Variants in NR1D2 observed in about 807,000 individuals in gnomAD.
NR1D2 encodes the protein nuclear receptor subfamily 1 group D member 2.
Under a neutral mutation model 52.2 loss-of-function variants are expected in NR1D2, and 25 were observed. The ratio of observed to expected loss-of-function variants is 0.48; its 90% CI spans 0.35 to 0.67. The LOEUF is 0.67. NR1D2 is among the 30% of genes least tolerant of loss of function. NR1D2 has a pLI of 0.01. For synonymous variants in NR1D2, 259 were observed against 230.1 expected (o/e 1.13, Z -1.14); for missense variants, 681 against 707.2 (o/e 0.96, Z 0.42).
chr3:23,971,328 C>CA (rs1445144602), intron 7 of NR1D2, among the ~76,000 whole-genome samples: 3 of 103,872 alleles, frequency 2.9e-5, no homozygotes, highest in Non-Finnish European at 5.4e-5. Flanking sequence ...TTTTTTGAGA[C>CA]AGAGTCTTAC....
In NR1D2 at chr3:23,970,774, GT is replaced by G. The variant is rs553323490; in HGVS notation, c.1543+2754del. 3.7e-4 allele frequency among the ~76,000 whole-genome samples: 53 copies of G among 143,306 alleles called. 1 individual carries two copies. The South Asian group carries it at 0.012, about 32-fold the overall frequency. 94.0% of individuals were successfully genotyped at this position (143,306 alleles called of 152,430 possible). A position where few individuals can be genotyped will look rare whatever the true frequency, so the allele number is the denominator to read the frequency against. On this transcript the variant is annotated intron_variant, in intron 7 of 7. Transcript: ENST00000312521. Reference sequence around the variant, plus strand: ...CTAGCTGTTTTTTGTTGTTGTTGTTGTTTGTTTTTTTATTTTTATTTTTGGA... The same window carrying G: ...CTAGCTGTTTTTTGTTGTTGTTGTTGTTGTTTTTTTATTTTTATTTTTGGA...
intron 5 of NR1D2, among the ~76,000 whole-genome samples, chr3:23,964,201 C>A (rs538601158): frequency 6.6e-6 from 1 of 152,046 alleles, no homozygotes; most frequent in Non-Finnish European, 1.5e-5. Flanking sequence ...CCTCAGCCTC[C>A]TGAGTAGCTG....
intron 1 of NR1D2, among the ~76,000 whole-genome samples, chr3:23,947,641 A>G (rs1257351108): frequency 6.6e-6 from 1 of 152,232 alleles, no homozygotes; most frequent in East Asian, 1.9e-4. Flanking sequence ...CACGTGAACT[A>G]TTATGAAGTT....
chr3:23,959,540 G>T, intron 3 of NR1D2, 131 bp from the exon 4 acceptor site: 1 of 768,066 alleles, frequency 1.3e-6, no homozygotes, highest in South Asian at 1.9e-5. Flanking sequence ...AAGACATAGT[G>T]TTTCCCAGAT....
chr3:23,960,391 T>C (rs996450810), intron 4 of NR1D2, among the ~76,000 whole-genome samples: 2 of 152,130 alleles, frequency 1.3e-5, no homozygotes, highest in Non-Finnish European at 2.9e-5. Flanking sequence ...GGTGACACGG[T>C]GACACTCTGT....
rs1384582296 is a variant in NR1D2 at position 23,978,157 on chromosome 3, CAT to C, written c.*741_*742del. 1 of 152,106 alleles carries C rather than the reference CAT, an allele frequency of 6.6e-6. No individual in the cohort carries two copies. The highest frequency in any genetic ancestry group is 6.6e-5 in the Admixed American group (1 of 15,266). 9.4% of individuals were successfully genotyped at this position (152,106 alleles called of 1,614,324 possible). On this transcript the variant is annotated 3_prime_UTR_variant, in exon 8 of 8. Coordinates refer to ENST00000312521, the MANE Select transcript of NR1D2 (RefSeq NM_005126.5). ...CAACCATATTATTCAGGGTTCCTGC[CAT>C]ATGTGTGGGGTATCCTACTGATACA...
intron 6 of NR1D2, among the ~76,000 whole-genome samples, chr3:23,967,172 A>G (rs1156585255): frequency 6.6e-6 from 1 of 152,030 alleles, no homozygotes; most frequent in Non-Finnish European, 1.5e-5. Flanking sequence ...CTAAAAATAA[A>G]ATCAGCTGGG....
At chr3:23,955,288 T>G (rs1044756622) in intron 2 of NR1D2, among the ~76,000 whole-genome samples, 1 of 152,218 alleles carries the variant, frequency 6.6e-6, no homozygotes, top group Non-Finnish European at 1.5e-5. Context: ...TGGAGAGATA[T>G]CCCTTTCCAC....
At chr3:23,973,832 T>C (rs1398635773) in intron 7 of NR1D2, among the ~76,000 whole-genome samples, 3 of 152,002 alleles carry the variant, frequency 2.0e-5, no homozygotes, top group African/African-American at 7.2e-5. Context: ...TTTTTTCTAT[T>C]TATAATTTAT....
intron 1 of NR1D2, among the ~76,000 whole-genome samples, chr3:23,950,751 A>G (rs765866302): frequency 4.6e-5 from 7 of 152,132 alleles, no homozygotes; most frequent in African/African-American, 1.4e-4. Flanking sequence ...ATAGCCCAGT[A>G]GTTTCTTTTA....
At chr3:23,966,748 G>GAC (rs1706459353) in intron 6 of NR1D2, among the ~76,000 whole-genome samples, 1 of 152,184 alleles carries the variant, frequency 6.6e-6, no homozygotes, top group African/African-American at 2.4e-5. Flanking sequence ...GTGGTTTTGG[G>GAC]ACCGGGTGCA....
Position 23,977,309 on chromosome 3 carries a change from C to A in NR1D2, c.1630C>A (p.His544Asn), listed in dbSNP as rs750610973. 6 of 1,613,080 alleles carry A rather than the reference C, an allele frequency of 3.7e-6. No homozygotes were observed. Among genetic ancestry groups the A allele is most frequent in the Non-Finnish European group, 5.1e-6 (6 of 1,179,406 alleles). The part of the protein sequence containing the change: ...RALRTLIMKN[H>N]PNEASIFTKL... ...ACTAAGGACCTTAATAATGAAAAAC[C>A]ATCCAAATGAGGCCTCTATTTTTAC... The change falls in exon 8 of 8, where the codon CAT becomes AAT. Residue 544 changes from histidine (H) to asparagine (N), a missense_variant. Coordinates refer to ENST00000312521, the MANE Select transcript of NR1D2 (RefSeq NM_005126.5).
chr3:23,967,162 C>A (rs936704582), intron 6 of NR1D2, among the ~76,000 whole-genome samples: 3 of 152,080 alleles, frequency 2.0e-5, no homozygotes, highest in African/African-American at 7.2e-5. Flanking sequence ...CCCATCTCTA[C>A]TAAAAATAAA....
rs534075564 is a variant in NR1D2, at chr3:23,978,612, C to A, written c.*1193C>A. 6 of 152,034 alleles carry A rather than the reference C, an allele frequency of 3.9e-5. No individual in the cohort carries two copies. The highest frequency in any genetic ancestry group is 5.9e-5 in the Non-Finnish European group (4 of 67,974). 9.4% of individuals were successfully genotyped at this position (152,034 alleles called of 1,614,324 possible). On this transcript the variant is annotated 3_prime_UTR_variant, in exon 8 of 8. Transcript: ENST00000312521. ...AAAGGTTGCATTGCTGCCCCTTATACACATGCTGCAGCTTGATGTTAAAGA... is the reference window on the plus strand; with the variant it reads ...AAAGGTTGCATTGCTGCCCCTTATAAACATGCTGCAGCTTGATGTTAAAGA...
intron 7 of NR1D2, among the ~76,000 whole-genome samples, chr3:23,969,484 G>A (rs1205432732): frequency 1.3e-5 from 2 of 152,116 alleles, no homozygotes; most frequent in Admixed American, 6.6e-5. Context: ...AGGGATATCT[G>A]TTTTATAGCT....
intron 1 of NR1D2, among the ~76,000 whole-genome samples, chr3:23,947,279 C>T (rs1414886369): frequency 6.6e-6 from 1 of 152,242 alleles, no homozygotes; most frequent in Non-Finnish European, 1.5e-5. Context: ...TTTGAGCCCT[C>T]TTCCAATACT....
Position 23,977,870 on chromosome 3 carries a change from TAGG to T in NR1D2, c.*454_*456del, listed in dbSNP as rs995921589. On this transcript the variant is annotated 3_prime_UTR_variant, in exon 8 of 8. Coordinates refer to ENST00000312521, the MANE Select transcript of NR1D2 (RefSeq NM_005126.5). ...TCTGGTAATTGGAGACTTCGGGATT[TAGG>T]AGATCTCCATGTCTGTATTTACTCT... 3.3e-5 allele frequency: 5 copies of T among 152,474 alleles called. No individual in the cohort carries two copies. The highest frequency in any genetic ancestry group is 1.2e-4 in the African/African-American group (5 of 41,436). The allele number at this position is 152,474 out of a possible 1,614,324, so 9.4% of individuals were successfully genotyped here.
Position 23,962,187 on chromosome 3 carries a change from C to T in NR1D2, c.728C>T (p.Pro243Leu), listed in dbSNP as rs1706267444. 1 of 1,614,048 alleles carries T rather than the reference C, an allele frequency of 6.2e-7. No individual in the cohort carries two copies. The highest frequency in any genetic ancestry group is 1.3e-5 in the African/African-American group (1 of 74,908). ...LEQENIKSSS[P>L]PSSDFAKEEV... ...CAAGAAAACATCAAAAGCTCTTCTC[C>T]TCCATCTTCTGATTTTGCAAAGGAA... is the stretch of plus-strand genomic sequence containing the variant. The change falls in exon 5 of 8, where the codon CCT (proline) becomes CTT (leucine). Residue 243 changes from proline to leucine, a missense_variant. Transcript: ENST00000312521.
rs2095101680 is a variant in NR1D2, at chr3:23,956,140, T to C, written c.372+15T>C. 1 of 1,599,988 alleles carries C rather than the reference T, an allele frequency of 6.3e-7. No homozygotes were observed. Among genetic ancestry groups the C allele is most frequent in the Non-Finnish European group, 8.6e-7 (1 of 1,167,350 alleles). On this transcript the variant is annotated intron_variant, in intron 3 of 7. Transcript: ENST00000312521. ...AAGGCTGTAAGGTAAAGCATGCTTT[T>C]GTTTCTTTAAGCTACTGATTCTGGG...
Sources: gnomAD v4.1 joint callset for allele counts (sites outside exome capture counted in the v4.1 genomes callset) on GRCh38, gnomAD v4.1.1 for gene constraint, MANE v1.5 for transcripts, NCBI Gene and HGNC (gene_info 2026-07-23, HGNC 2026-07-21) for gene names.